MAGI1: variants seen among roughly 807,000 people sequenced by gnomAD.
The protein encoded by MAGI1 is membrane-associated guanylate kinase, WW and PDZ domain-containing protein 1.
In MAGI1, 58 loss-of-function variants were observed where a neutral mutation model predicts 139.9. The ratio of observed to expected loss-of-function variants is 0.41; its 90% CI spans 0.34 to 0.52. The LOEUF (loss-of-function observed/expected upper bound fraction) is 0.52. Among genes scored for constraint, MAGI1 ranks in the 20% least tolerant of loss-of-function variants. MAGI1 has a pLI of 0.12. For synonymous variants in MAGI1, 812 were observed against 737.9 expected (o/e 1.10, Z -1.63); for missense variants, 1,874 against 1,901.6 (o/e 0.99, Z 0.27).
At chr3:65,680,357 T>C (rs1338112682) in intron 1 of MAGI1, among the ~76,000 whole-genome samples, 4 of 152,330 alleles carry the variant, frequency 2.6e-5, no homozygotes, top group Admixed American at 1.3e-4. Flanking sequence ...ATGGTGACCA[T>C]ACCATTTATC....
chr3:65,679,187 C>T (rs899123130), intron 1 of MAGI1, among the ~76,000 whole-genome samples: 2 of 152,142 alleles, frequency 1.3e-5, no homozygotes, highest in African/African-American at 2.4e-5. Context: ...ATAAAAGTCT[C>T]ATACTCAACT....
At chr3:65,744,270 T>C (rs1315034874) in intron 1 of MAGI1, among the ~76,000 whole-genome samples, 1 of 152,208 alleles carries the variant, frequency 6.6e-6, no homozygotes, top group Admixed American at 6.5e-5. Flanking sequence ...ATAGAATCTA[T>C]AGATCACCCA....
At chr3:65,973,532 G>A (rs1230895920) in intron 1 of MAGI1, among the ~76,000 whole-genome samples, 22 of 152,136 alleles carry the variant, frequency 1.4e-4, no homozygotes, top group Admixed American at 1.4e-3. Context: ...GCCAAACTAT[G>A]CACTCCCGAA....
intron 2 of MAGI1, among the ~76,000 whole-genome samples, chr3:65,549,036 G>A (rs2079670586): frequency 6.6e-6 from 1 of 152,164 alleles, no homozygotes; most frequent in Non-Finnish European, 1.5e-5. Context: ...CTGATGGGCC[G>A]CCCGCGTCTC....
intron 1 of MAGI1, among the ~76,000 whole-genome samples, chr3:65,851,419 G>A (rs986990560): frequency 6.6e-6 from 1 of 152,106 alleles, no homozygotes; most frequent in African/African-American, 2.4e-5. Flanking sequence ...ATGGGCACTG[G>A]TGATGGAGTG....
chr3:65,609,865 T>C lies in MAGI1; in HGVS notation c.430+12107A>G, dbSNP rs868435403. The C allele has an allele frequency of 1.2e-4, 23 of 195,594 alleles. 1 individual carries two copies. In the Middle Eastern group the frequency reaches 8.2e-3, roughly 70 times the overall value. 12.1% of individuals were successfully genotyped at this position (195,594 alleles called of 1,614,324 possible). A position where few individuals can be genotyped will look rare whatever the true frequency, so the allele number is the denominator to read the frequency against. ...GTGTTGGGATTATAGGCTTGAGCCATCACGCCCTGCTTCCTTCAGTTTTTT... is the reference window on the plus strand; with the variant it reads ...GTGTTGGGATTATAGGCTTGAGCCACCACGCCCTGCTTCCTTCAGTTTTTT... On this transcript the variant is annotated intron_variant, in intron 2 of 22. Coordinates refer to ENST00000402939, the MANE Select transcript of MAGI1 (RefSeq NM_001033057.2).
At chr3:65,481,014 A>G (rs1951251648) in intron 3 of MAGI1, among the ~76,000 whole-genome samples, 1 of 152,218 alleles carries the variant, frequency 6.6e-6, no homozygotes, top group Non-Finnish European at 1.5e-5. Context: ...TCAGCAGGAA[A>G]ACTCAACATA....
intron 2 of MAGI1, chr3:65,609,843 T>G (rs374564087): frequency 3.8e-6 from 1 of 260,552 alleles, no homozygotes; most frequent in Non-Finnish European, 8.1e-6. Flanking sequence ...TCCCAAAGTG[T>G]TGGGATTATA....
chr3:65,781,736 C>A (rs968010021), intron 1 of MAGI1, among the ~76,000 whole-genome samples: 5 of 152,190 alleles, frequency 3.3e-5, no homozygotes, highest in Admixed American at 6.5e-5. Context: ...ATGGCAACAT[C>A]TATAATAATA....
intron 1 of MAGI1, among the ~76,000 whole-genome samples, chr3:65,703,239 G>A (rs1254149807): frequency 6.6e-6 from 1 of 152,226 alleles, no homozygotes; most frequent in Non-Finnish European, 1.5e-5. Flanking sequence ...CCAATGCCCA[G>A]TGAGTTTAAC....
rs565104413 is a variant in MAGI1, at chr3:65,770,857, T to G, written c.314-148769A>C. Reference sequence around the variant, plus strand: ...GCATGTGCCACAATGCCTAGCTAATTTGTTTTTCTATTTTTAGTAGAGACG... The same window carrying G: ...GCATGTGCCACAATGCCTAGCTAATGTGTTTTTCTATTTTTAGTAGAGACG... On this transcript the variant is annotated intron_variant, in intron 1 of 22. Transcript: ENST00000402939. Among the ~76,000 whole-genome samples, 243 of 151,966 alleles carry G rather than the reference T, an allele frequency of 1.6e-3. 1 individual carries two copies. Among genetic ancestry groups the G allele is most frequent in the African/African-American group, 5.5e-3 (229 of 41,498 alleles).
At chr3:65,678,347 T>TAAAAGGA (rs1017987077) in intron 1 of MAGI1, among the ~76,000 whole-genome samples, 9 of 67,222 alleles carry the variant, frequency 1.3e-4, no homozygotes, top group Non-Finnish European at 2.5e-4. Flanking sequence ...CTTTAAAAAA[T>TAAAAGGA]AAAATAAAAA....
At position 65,600,716 on chromosome 3, in the gene MAGI1, C is replaced by T. The variant is rs945329963; in HGVS notation, c.430+21256G>A. On this transcript the variant is annotated intron_variant, in intron 2 of 22. Transcript: ENST00000402939. ...TTAGAGAGGCAGTGAAATGTAGACACTTCTTTACTGGCAATTTTTGAGAAA... is the reference window on the plus strand; with the variant it reads ...TTAGAGAGGCAGTGAAATGTAGACATTTCTTTACTGGCAATTTTTGAGAAA... 5.3e-5 allele frequency among the ~76,000 whole-genome samples: 8 copies of T among 152,322 alleles called. No homozygotes were observed. The South Asian group carries it at 1.2e-3, about 24-fold the overall frequency.
intron 4 of MAGI1, among the ~76,000 whole-genome samples, chr3:65,474,263 TCAAA>T (rs10576686): frequency 0.19 from 28,627 of 151,858 alleles, 2,910 homozygotes; most frequent in Non-Finnish European, 0.24. Context: ...AGACCCTGTC[TCAAA>T]CAAACAAACA....
At chr3:65,451,885 T>C (rs951367828) in intron 6 of MAGI1, among the ~76,000 whole-genome samples, 7 of 152,176 alleles carry the variant, frequency 4.6e-5, no homozygotes, top group African/African-American at 1.7e-4. Flanking sequence ...TTGGCTCAAG[T>C]GATCCTCCTG....
chr3:65,996,322 T>C (rs1489544999), intron 1 of MAGI1, among the ~76,000 whole-genome samples: 1 of 152,306 alleles, frequency 6.6e-6, no homozygotes, highest in South Asian at 2.1e-4. Flanking sequence ...GCTACTATTA[T>C]AACTTGTCTT....
At chr3:65,951,621 TTCTTTTTTACTCTTTTTAAAGTAGC>T (rs972797662) in intron 1 of MAGI1, among the ~76,000 whole-genome samples, 2 of 152,236 alleles carry the variant, frequency 1.3e-5, no homozygotes, top group African/African-American at 2.4e-5. Context: ...TTAATTTCAC[TTCTTTTTTACTCTTTTTAAAGTAGC>T]TACCAGACAA....
At chr3:65,708,997 C>T (rs1007852509) in intron 1 of MAGI1, among the ~76,000 whole-genome samples, 1 of 152,180 alleles carries the variant, frequency 6.6e-6, no homozygotes, top group Non-Finnish European at 1.5e-5. Context: ...TAAAGGTTAA[C>T]AGAGGTTTTA....
chr3:65,524,352 A>C (rs1303207339), intron 2 of MAGI1, among the ~76,000 whole-genome samples: 1 of 152,240 alleles, frequency 6.6e-6, no homozygotes, highest in Non-Finnish European at 1.5e-5. Flanking sequence ...TCAGCAGCTC[A>C]TAAAATTGCT....
Sources: gnomAD v4.1 joint callset for allele counts (sites outside exome capture counted in the v4.1 genomes callset) on GRCh38, gnomAD v4.1.1 for gene constraint, MANE v1.5 for transcripts, NCBI Gene and HGNC (gene_info 2026-07-23, HGNC 2026-07-21) for gene names.